Variants in C10orf143 observed in about 807,000 individuals in gnomAD.
C10orf143 encodes the protein uncharacterized protein C10orf143.
At chr10:130,109,695 C>G (rs1187956905) in intron 1 of C10orf143, among the ~76,000 whole-genome samples, 1 of 152,050 alleles carries the variant, frequency 6.6e-6, no homozygotes, top group East Asian at 1.9e-4. Context: ...CTAAGTGGTA[C>G]TGGCTTCACG....
At chr10:130,046,280 G>A (rs2134727415) in intron 3 of C10orf143, among the ~76,000 whole-genome samples, 1 of 152,154 alleles carries the variant, frequency 6.6e-6, no homozygotes, top group South Asian at 2.1e-4. Flanking sequence ...ACGGCAATGG[G>A]TGGCGCAGGG....
At chr10:130,089,267 G>C (rs1861342932) in intron 1 of C10orf143, among the ~76,000 whole-genome samples, 1 of 152,214 alleles carries the variant, frequency 6.6e-6, no homozygotes, top group African/African-American at 2.4e-5. Flanking sequence ...GTAAACCTAA[G>C]TTATAGTCCT....
At chr10:130,108,408 CA>C in intron 1 of C10orf143, 1 of 922,344 alleles carries the variant, frequency 1.1e-6, no homozygotes, top group South Asian at 1.3e-5. Context: ...ATTCCGCCTT[CA>C]AATGAGCCTG....
In C10orf143 at chr10:130,058,873, G is replaced by A. The variant is rs143813530; in HGVS notation, c.297+20693C>T. On this transcript the variant is annotated intron_variant and NMD_transcript_variant, in intron 3 of 5. Coordinates refer to the C10orf143 transcript ENST00000643056. ...TAAAGTTGATCATACCCATGCAGGT[G>A]TACTAGACCTGGGCACACATTTATT... 5.3e-5 allele frequency among the ~76,000 whole-genome samples: 8 copies of A among 152,056 alleles called. No individual in the cohort carries two copies. The East Asian group carries it at 1.5e-3, about 29-fold the overall frequency.
At chr10:130,052,236 C>T (rs1242579702) in intron 3 of C10orf143, among the ~76,000 whole-genome samples, 1 of 151,994 alleles carries the variant, frequency 6.6e-6, no homozygotes, top group Non-Finnish European at 1.5e-5. Flanking sequence ...GACGGGAGCC[C>T]GATGGGGGTC....
chr10:130,041,251 T>C (rs1860603541), intron 3 of C10orf143, among the ~76,000 whole-genome samples: 2 of 152,198 alleles, frequency 1.3e-5, no homozygotes, highest in African/African-American at 4.8e-5. Context: ...AAACCTGAAC[T>C]TTTAGGCGTG....
At chr10:130,105,224 G>A (rs567534763) in intron 1 of C10orf143, among the ~76,000 whole-genome samples, 77 of 152,206 alleles carry the variant, frequency 5.1e-4, no homozygotes, top group Middle Eastern at 3.4e-3. Context: ...CACTGCGCCC[G>A]GCCTGCTTTG....
chr10:130,108,612 AT>A, intron 1 of C10orf143: 1 of 518,346 alleles, frequency 1.9e-6, no homozygotes, highest in Non-Finnish European at 3.5e-6. Flanking sequence ...TATGAATCTT[AT>A]AAGTAAATTA....
At chr10:130,104,181 C>T (rs1210759300) in intron 1 of C10orf143, 1 of 152,174 alleles carries the variant, frequency 6.6e-6, no homozygotes, top group Non-Finnish European at 1.5e-5. Flanking sequence ...TTCATCTCAT[C>T]TCCAGTGCCT....
intron 3 of C10orf143, among the ~76,000 whole-genome samples, chr10:130,069,214 T>C (rs144826217): frequency 1.7e-4 from 26 of 152,252 alleles, no homozygotes; most frequent in African/African-American, 6.3e-4. Flanking sequence ...TCAGACATCA[T>C]GGAGTGAGAG....
At chr10:130,080,383 TGATAACCTTTGGGAAA>T (rs1375805112) in intron 1 of C10orf143, among the ~76,000 whole-genome samples, 1 of 152,250 alleles carries the variant, frequency 6.6e-6, no homozygotes, top group South Asian at 2.1e-4. Flanking sequence ...AGTCCATAAC[TGATAACCTTTGGGAAA>T]GTTAGCATTT....
At chr10:130,046,697 C>T (rs889301923) in intron 3 of C10orf143, among the ~76,000 whole-genome samples, 9 of 152,268 alleles carry the variant, frequency 5.9e-5, no homozygotes, top group Non-Finnish European at 1.0e-4. Context: ...GCGCTGCGGG[C>T]TGGGCGTGTC....
chr10:130,071,770 G>A (rs1216859393), intron 3 of C10orf143, among the ~76,000 whole-genome samples: 1 of 152,118 alleles, frequency 6.6e-6, no homozygotes, highest in East Asian at 1.9e-4. Flanking sequence ...TGGGACTACA[G>A]GCATGCACCA....
intron 1 of C10orf143, chr10:130,107,843 G>A (rs1334082593): frequency 8.0e-7 from 1 of 1,250,168 alleles, no homozygotes; most frequent in African/African-American, 1.5e-5. Context: ...GAGGGAACAG[G>A]ACCGTAGGAT....
chr10:130,092,490 A>G (rs769228959), intron 1 of C10orf143, among the ~76,000 whole-genome samples: 1 of 152,218 alleles, frequency 6.6e-6, no homozygotes, highest in Non-Finnish European at 1.5e-5. Context: ...CATCGACAGT[A>G]TGAAGAAACT....
chr10:130,073,570 C>T (rs890487453), intron 3 of C10orf143, among the ~76,000 whole-genome samples: 5 of 152,082 alleles, frequency 3.3e-5, no homozygotes, highest in African/African-American at 1.2e-4. Context: ...TTGGTCCCAA[C>T]GGCACTACTT....
downstream of C10orf143, among the ~76,000 whole-genome samples, chr10:130,061,337 C>T (rs530895277): frequency 6.6e-6 from 1 of 152,188 alleles, no homozygotes; most frequent in East Asian, 1.9e-4. Flanking sequence ...TTCAAGTATA[C>T]TTTTTGTTTT....
chr10:130,070,686 C>G (rs1861015844), intron 3 of C10orf143, among the ~76,000 whole-genome samples: 1 of 152,030 alleles, frequency 6.6e-6, no homozygotes, highest in Non-Finnish European at 1.5e-5. Context: ...GTTTTTATTC[C>G]TTTAGTAGAT....
intron 1 of C10orf143, among the ~76,000 whole-genome samples, chr10:130,092,232 C>T (rs546048925): frequency 1.6e-3 from 240 of 152,296 alleles, no homozygotes; most frequent in Non-Finnish European, 3.0e-3. Flanking sequence ...AGAAACCCTA[C>T]AAGCCAGAAG....
Sources: gnomAD v4.1 joint callset for allele counts (sites outside exome capture counted in the v4.1 genomes callset) on GRCh38, gnomAD v4.1.1 for gene constraint, MANE v1.5 for transcripts, NCBI Gene and HGNC (gene_info 2026-07-23, HGNC 2026-07-21) for gene names.